The following ASIC5 variants were observed in gnomAD, a reference collection of about 807,000 sequenced individuals.
The protein encoded by ASIC5 is acid sensing ion channel subunit family member 5.
In ASIC5, 52 loss-of-function variants were observed where a neutral mutation model predicts 51.2. That is an observed-to-expected ratio of 1.02 (90% CI 0.81 to 1.28). The LOEUF is 1.28. ASIC5 is among the 50% of genes most tolerant of loss of function. ASIC5 has a pLI of 0.00. For synonymous variants in ASIC5, 231 were observed against 200.7 expected (o/e 1.15, Z -1.28); for missense variants, 635 against 595.0 (o/e 1.07, Z -0.70).
intron 3 of ASIC5, 102 bp from the exon 4 acceptor site, chr4:155,852,418 G>A: frequency 1.1e-6 from 1 of 947,044 alleles, no homozygotes; most frequent in Non-Finnish European, 1.6e-6. Flanking sequence ...TACCTAACAA[G>A]ACTGCAGAAA....
At chr4:155,863,797 T>C in intron 1 of ASIC5, 43 bp from the exon 2 acceptor site, 1 of 1,494,750 alleles carries the variant, frequency 6.7e-7, no homozygotes, top group Non-Finnish European at 9.0e-7. Flanking sequence ...AAAAAAGTAA[T>C]TAGGAAACCT....
At chr4:155,834,076 A>G (rs1740926896) in intron 8 of ASIC5, among the ~76,000 whole-genome samples, 1 of 152,234 alleles carries the variant, frequency 6.6e-6, no homozygotes, top group Non-Finnish European at 1.5e-5. Context: ...AAATTTGTTA[A>G]GTTAAAACAG....
chr4:155,841,557 C>T (rs1177293227), intron 6 of ASIC5, among the ~76,000 whole-genome samples: 1 of 152,126 alleles, frequency 6.6e-6, no homozygotes, highest in Non-Finnish European at 1.5e-5. Flanking sequence ...TTGCCTCTCA[C>T]CCATGGTTCT....
Position 155,866,168 on chromosome 4 carries a change from G to A in ASIC5, c.40+19C>T, listed in dbSNP as rs894416129. ...AAATGAAAAATATTACTGCTCTGAGGAGTTCACTCTTTACTCACCGTTCTC... is the reference window on the plus strand; with the variant it reads ...AAATGAAAAATATTACTGCTCTGAGAAGTTCACTCTTTACTCACCGTTCTC... On this transcript the variant is annotated intron_variant, in intron 1 of 9. Transcript: ENST00000537611. 6.6e-7 allele frequency: 1 copy of A among 1,523,004 alleles called. No homozygotes were observed. The highest frequency in any genetic ancestry group is 9.1e-7 in the Non-Finnish European group (1 of 1,099,848). 94.3% of individuals were successfully genotyped at this position (1,523,004 alleles called of 1,614,324 possible).
chr4:155,836,942 C>A, intron 7 of ASIC5, 85 bp from the exon 8 acceptor site: 1 of 1,030,652 alleles, frequency 9.7e-7, no homozygotes, highest in South Asian at 2.0e-5. Flanking sequence ...TATCATTTCA[C>A]TTTCAATATT....
chr4:155,859,826 A>G (rs115187352), intron 2 of ASIC5, among the ~76,000 whole-genome samples: 3,852 of 152,124 alleles, frequency 0.025, 112 homozygotes, highest in South Asian at 0.1. Context: ...CTTAACACAG[A>G]ATGCATACTG....
intron 1 of ASIC5, among the ~76,000 whole-genome samples, chr4:155,864,120 T>G (rs1454013961): frequency 6.6e-6 from 1 of 152,188 alleles, no homozygotes; most frequent in African/African-American, 2.4e-5. Flanking sequence ...CTGAAAGTCC[T>G]TTAGAAGTCA....
chr4:155,851,050 C>G (rs1206322874), intron 4 of ASIC5, among the ~76,000 whole-genome samples: 1 of 151,944 alleles, frequency 6.6e-6, no homozygotes, highest in Non-Finnish European at 1.5e-5. Flanking sequence ...CCTTTTGTAA[C>G]CCTCTAAGAA....
At chr4:155,841,755 GAGTA>G (rs1741125577) in intron 6 of ASIC5, among the ~76,000 whole-genome samples, 1 of 152,160 alleles carries the variant, frequency 6.6e-6, no homozygotes, top group South Asian at 2.1e-4. Flanking sequence ...TAGCCTTTGG[GAGTA>G]AGTATTGGGG....
intron 2 of ASIC5, among the ~76,000 whole-genome samples, chr4:155,860,573 G>A (rs1741676608): frequency 1.3e-5 from 2 of 151,788 alleles, no homozygotes; most frequent in Non-Finnish European, 2.9e-5. Context: ...TACCTTTCAT[G>A]CCTGTAAACT....
chr4:155,851,945 A>G (rs1560748374), intron 4 of ASIC5, among the ~76,000 whole-genome samples: 1 of 152,038 alleles, frequency 6.6e-6, no homozygotes, highest in Non-Finnish European at 1.5e-5. Flanking sequence ...TGGCATGAAC[A>G]TTCCCTGGAG....
chr4:155,830,950 A>G (rs1170568465), intron 9 of ASIC5, among the ~76,000 whole-genome samples: 2 of 152,218 alleles, frequency 1.3e-5, no homozygotes, highest in East Asian at 1.9e-4. Context: ...GCAAATTTAC[A>G]TATTTCCTCC....
At chr4:155,854,427 T>A in intron 2 of ASIC5, 113 bp from the exon 3 acceptor site, 1 of 809,232 alleles carries the variant, frequency 1.2e-6, no homozygotes, top group Non-Finnish European at 2.0e-6. Flanking sequence ...ACACTCTCCC[T>A]TATTTGCAAG....
chr4:155,841,899 A>G (rs898158085), intron 6 of ASIC5, among the ~76,000 whole-genome samples: 3 of 152,140 alleles, frequency 2.0e-5, no homozygotes, highest in African/African-American at 4.8e-5. Flanking sequence ...AGAATGGAAA[A>G]CAATTTAGTG....
chr4:155,834,015 G>T (rs1364938820), intron 8 of ASIC5, among the ~76,000 whole-genome samples: 1 of 152,190 alleles, frequency 6.6e-6, no homozygotes, highest in Non-Finnish European at 1.5e-5. Flanking sequence ...TGCATTAGGG[G>T]AATGAATTAA....
intron 2 of ASIC5, among the ~76,000 whole-genome samples, chr4:155,859,243 G>T (rs537061291): frequency 2.6e-4 from 40 of 152,084 alleles, no homozygotes; most frequent in African/African-American, 9.4e-4. Flanking sequence ...ACAAAAATAT[G>T]TCAGTGTCCA....
At position 155,838,874 on chromosome 4, in the gene ASIC5, A is replaced by C; in HGVS notation, c.1010-5T>G. 1 of 1,531,348 alleles carries C rather than the reference A, an allele frequency of 6.5e-7. No homozygotes were observed. Among genetic ancestry groups the C allele is most frequent in the Non-Finnish European group, 9.0e-7 (1 of 1,109,386 alleles). 94.9% of individuals were successfully genotyped at this position (1,531,348 alleles called of 1,614,324 possible). A position where few individuals can be genotyped will look rare whatever the true frequency, so the allele number is the denominator to read the frequency against. On this transcript the variant is annotated splice_polypyrimidine_tract_variant and splice_region_variant and intron_variant, in intron 6 of 9. Coordinates refer to ENST00000537611, the MANE Select transcript of ASIC5 (RefSeq NM_017419.3). ...GGTCACATTCTATCCCATATCCTTA[A>C]AAATAATAAGTGTAACATATAGAGA...
chr4:155,837,243 T>A (rs1579284252), intron 7 of ASIC5, among the ~76,000 whole-genome samples: 1 of 151,490 alleles, frequency 6.6e-6, no homozygotes, highest in South Asian at 2.1e-4. Context: ...ATATCAGATA[T>A]TTGGACAGAA....
intron 2 of ASIC5, among the ~76,000 whole-genome samples, chr4:155,857,063 AT>A (rs547470014): frequency 1.1e-4 from 16 of 152,030 alleles, no homozygotes; most frequent in African/African-American, 3.1e-4. Flanking sequence ...AAGGAAGAAA[AT>A]TTTTTGTGAG....
Sources: allele counts gnomAD v4.1 joint callset (sites outside exome capture counted in the v4.1 genomes callset), GRCh38; gene constraint gnomAD v4.1.1; transcripts MANE v1.5; gene names NCBI Gene and HGNC (gene_info 2026-07-23, HGNC 2026-07-21).